Variants in SOX6 observed in about 807,000 individuals in gnomAD.
SOX6 encodes SRY-box transcription factor 6.
SOX6 carries 11 observed loss-of-function variants against 97.8 expected under a neutral mutation model. That is an observed-to-expected ratio of 0.11 (90% CI 0.07 to 0.19). The LOEUF (loss-of-function observed/expected upper bound fraction) is 0.19. Among genes scored for constraint, SOX6 ranks in the 10% least tolerant of loss-of-function variants. The pLI, the probability that SOX6 is intolerant of heterozygous loss-of-function variation, is 1.00. For synonymous variants in SOX6, 360 were observed against 371.4 expected (o/e 0.97, Z 0.35); for missense variants, 810 against 1,039.5 (o/e 0.78, Z 3.04).
chr11:16,011,154 AG>A (rs1003226644), intron 13 of SOX6, among the ~76,000 whole-genome samples: 23 of 152,054 alleles, frequency 1.5e-4, no homozygotes, highest in African/African-American at 5.6e-4. Flanking sequence ...GAATAAGAAA[AG>A]GGGAAATGCC....
At chr11:16,443,380 C>T (rs1197519218) in intron 1 of SOX6, among the ~76,000 whole-genome samples, 1 of 152,104 alleles carries the variant, frequency 6.6e-6, no homozygotes, top group East Asian at 1.9e-4. Flanking sequence ...CCATAAATGT[C>T]TGTGGATTGA....
At chr11:16,389,902 G>A (rs1416525457) in intron 1 of SOX6, among the ~76,000 whole-genome samples, 2 of 146,472 alleles carry the variant, frequency 1.4e-5, no homozygotes, top group Non-Finnish European at 3.0e-5. Flanking sequence ...CCCAGGAGGT[G>A]GAGCTTGCAG....
At chr11:16,261,496 T>C (rs1036955654) in intron 3 of SOX6, among the ~76,000 whole-genome samples, 1 of 152,078 alleles carries the variant, frequency 6.6e-6, no homozygotes, top group Admixed American at 6.6e-5. Flanking sequence ...CTGGTAGTAG[T>C]AGAGAGCCAA....
chr11:16,132,437 G>A (rs1438738680), intron 6 of SOX6, among the ~76,000 whole-genome samples: 1 of 65,940 alleles, frequency 1.5e-5, no homozygotes, highest in African/African-American at 6.2e-5. Context: ...AAGAAAGAAA[G>A]AAAGAAAAAA....
chr11:16,697,323 G>A (rs1198395196), intron 3 of SOX6, among the ~76,000 whole-genome samples: 1 of 152,032 alleles, frequency 6.6e-6, no homozygotes, highest in East Asian at 1.9e-4. Flanking sequence ...ATCTAGAATG[G>A]TGACTCCTTC....
intron 4 of SOX6, among the ~76,000 whole-genome samples, chr11:16,539,456 A>T (rs762171041): frequency 3.3e-5 from 5 of 152,194 alleles, no homozygotes; most frequent in Admixed American, 6.5e-5. Flanking sequence ...AGAAGCAAAG[A>T]TATAACTAAG....
chr11:16,313,214 G>C (rs891306599), intron 3 of SOX6: 2 of 152,170 alleles, frequency 1.3e-5, no homozygotes, highest in African/African-American at 4.8e-5. Context: ...CATCTGCCTG[G>C]AGAGTTTTTG....
chr11:16,628,719 G>T (rs1848662035), intron 3 of SOX6, among the ~76,000 whole-genome samples: 1 of 152,020 alleles, frequency 6.6e-6, no homozygotes, highest in African/African-American at 2.4e-5. Flanking sequence ...TGAGCAGTAT[G>T]GCCATTTTAA....
At chr11:16,308,495 C>T (rs1316594877) in intron 3 of SOX6, among the ~76,000 whole-genome samples, 1 of 152,036 alleles carries the variant, frequency 6.6e-6, no homozygotes, top group Non-Finnish European at 1.5e-5. Context: ...CACATCAATC[C>T]CAAGCCAATA....
At chr11:16,174,800 TA>T (rs1420835624) in intron 6 of SOX6, among the ~76,000 whole-genome samples, 1 of 152,054 alleles carries the variant, frequency 6.6e-6, no homozygotes, top group Non-Finnish European at 1.5e-5. Context: ...CAACTGTCTT[TA>T]AAAAGCTATA....
At chr11:16,117,875 G>A (rs929686161) in intron 6 of SOX6, among the ~76,000 whole-genome samples, 1 of 152,062 alleles carries the variant, frequency 6.6e-6, no homozygotes, top group African/African-American at 2.4e-5. Flanking sequence ...ATTTTACTAA[G>A]AATAAAAAAT....
chr11:16,612,442 G>A (rs1226242434), intron 3 of SOX6, among the ~76,000 whole-genome samples: 1 of 152,048 alleles, frequency 6.6e-6, no homozygotes, highest in Non-Finnish European at 1.5e-5. Context: ...CAGAGAAGTC[G>A]CTGAGTCTGT....
intron 15 of SOX6, among the ~76,000 whole-genome samples, chr11:15,976,340 T>C (rs1431041345): frequency 6.6e-6 from 1 of 152,182 alleles, no homozygotes; most frequent in African/African-American, 2.4e-5. Context: ...GCAGGCTAAT[T>C]ATTATCACTG....
At chr11:16,731,189 T>C (rs548242132) in intron 2 of SOX6, among the ~76,000 whole-genome samples, 1 of 152,284 alleles carries the variant, frequency 6.6e-6, no homozygotes, top group South Asian at 2.1e-4. Flanking sequence ...GCTGGTACCA[T>C]TCCTTCCGAA....
At chr11:16,651,342 T>C (rs1005848990) in intron 3 of SOX6, among the ~76,000 whole-genome samples, 2 of 152,150 alleles carry the variant, frequency 1.3e-5, no homozygotes, top group African/African-American at 4.8e-5. Context: ...TACAGACTGA[T>C]ATCCTTGATG....
chr11:16,411,622 T>C (rs1334170480), intron 1 of SOX6, among the ~76,000 whole-genome samples: 3 of 152,172 alleles, frequency 2.0e-5, no homozygotes, highest in African/African-American at 7.2e-5. Context: ...ATCAACCTAG[T>C]CTTTACATGC....
chr11:16,584,783 A>AGCG (rs1453315115), intron 4 of SOX6, among the ~76,000 whole-genome samples: 1 of 152,196 alleles, frequency 6.6e-6, no homozygotes, highest in Admixed American at 6.5e-5. Flanking sequence ...TCAACACCAC[A>AGCG]GCGGCCTTCA....
intron 4 of SOX6, chr11:16,567,200 A>G (rs1201222820): frequency 6.6e-6 from 1 of 152,324 alleles, no homozygotes; most frequent in South Asian, 2.1e-4. Flanking sequence ...TTGAAGTACA[A>G]GAGCAGCACA....
At chr11:16,008,486 T>C (rs1208466327) in intron 13 of SOX6, among the ~76,000 whole-genome samples, 2 of 152,070 alleles carry the variant, frequency 1.3e-5, no homozygotes, top group African/African-American at 4.8e-5. Flanking sequence ...GATTCCTCAC[T>C]AAAGAGAGGC....
Sources: gnomAD v4.1 joint callset for allele counts (sites outside exome capture counted in the v4.1 genomes callset) on GRCh38, gnomAD v4.1.1 for gene constraint, MANE v1.5 for transcripts, NCBI Gene and HGNC (gene_info 2026-07-23, HGNC 2026-07-21) for gene names.